Variants in PLCH1 observed in about 807,000 individuals in gnomAD.
PLCH1 encodes the protein 1-phosphatidylinositol 4,5-bisphosphate phosphodiesterase eta-1.
A neutral mutation model predicts 126.7 loss-of-function variants in PLCH1; 60 were observed. The observed-to-expected ratio is 0.47, with a 90% confidence interval of 0.38 to 0.59. The LOEUF is 0.59. Among genes scored for constraint, PLCH1 ranks in the 20% least tolerant of loss-of-function variants. The pLI, the probability that PLCH1 is intolerant of heterozygous loss-of-function variation, is 0.00. For missense variants in PLCH1, 1,723 were observed against 2,040.0 expected (o/e 0.84, Z 2.99); for synonymous variants, 719 against 734.9 (o/e 0.98, Z 0.35).
chr3:155,718,878 A>AT (rs142324714), intron 1 of PLCH1, among the ~76,000 whole-genome samples: 14,598 of 152,248 alleles, frequency 0.096, 892 homozygotes, highest in Middle Eastern at 0.14. Context: ...CTGAGGAAGT[A>AT]TATTAAAATC....
chr3:155,489,282 T>G (rs916911224), intron 19 of PLCH1, among the ~76,000 whole-genome samples: 1 of 152,228 alleles, frequency 6.6e-6, no homozygotes, highest in African/African-American at 2.4e-5. Flanking sequence ...ACATACATCC[T>G]CTTATTTCTT....
At chr3:155,700,822 A>C (rs17414810) in intron 2 of PLCH1, among the ~76,000 whole-genome samples, 7,070 of 152,302 alleles carry the variant, frequency 0.046, 226 homozygotes, top group Middle Eastern at 0.1. Flanking sequence ...CAATTTTCAA[A>C]TCAGGATAAA....
intron 21 of PLCH1, among the ~76,000 whole-genome samples, chr3:155,461,921 C>T (rs1292474644): frequency 1.3e-5 from 2 of 152,188 alleles, no homozygotes; most frequent in African/African-American, 4.8e-5. Flanking sequence ...ATTGGAAAAG[C>T]AAGGGCTCTG....
chr3:155,698,339 C>G (rs1745992196), intron 2 of PLCH1, among the ~76,000 whole-genome samples: 1 of 152,164 alleles, frequency 6.6e-6, no homozygotes, highest in African/African-American at 2.4e-5. Context: ...TCCAAGACAT[C>G]AAAGAAGAGT....
chr3:155,738,934 C>CA (rs57816512), intron 1 of PLCH1, among the ~76,000 whole-genome samples: 45,405 of 151,804 alleles, frequency 0.3, 7,747 homozygotes, highest in African/African-American at 0.45. Flanking sequence ...GACCCTGTCT[C>CA]AAAAAAATAT....
At chr3:155,720,991 T>G (rs1747908136) in intron 1 of PLCH1, among the ~76,000 whole-genome samples, 1 of 151,938 alleles carries the variant, frequency 6.6e-6, no homozygotes, top group South Asian at 2.1e-4. Context: ...CCTTTCCCCA[T>G]GTTTTGTTTG....
chr3:155,520,156 C>T (rs1402127477), intron 11 of PLCH1, among the ~76,000 whole-genome samples: 1 of 152,184 alleles, frequency 6.6e-6, no homozygotes, highest in Admixed American at 6.5e-5. Flanking sequence ...TACTAGCATG[C>T]CCAGCACCTG....
chr3:155,666,890 T>G (rs1742777540), intron 2 of PLCH1, among the ~76,000 whole-genome samples: 1 of 145,032 alleles, frequency 6.9e-6, no homozygotes, highest in African/African-American at 2.6e-5. Flanking sequence ...GAGACACAGA[T>G]GAGGTGTGTG....
intron 1 of PLCH1, among the ~76,000 whole-genome samples, chr3:155,733,151 A>G (rs868835514): frequency 2.0e-5 from 3 of 152,198 alleles, no homozygotes; most frequent in Admixed American, 1.3e-4. Context: ...AGCAATCTAC[A>G]TATTCAATGT....
At chr3:155,505,161 T>G (rs1176635920) in intron 12 of PLCH1, among the ~76,000 whole-genome samples, 5 of 152,202 alleles carry the variant, frequency 3.3e-5, no homozygotes, top group Admixed American at 6.5e-5. Flanking sequence ...GATAATAGAT[T>G]GTTTTTGTTT....
chr3:155,535,457 G>A (rs1213710232), intron 10 of PLCH1, among the ~76,000 whole-genome samples: 1 of 152,194 alleles, frequency 6.6e-6, no homozygotes, highest in Non-Finnish European at 1.5e-5. Flanking sequence ...TGGTGGGAAT[G>A]AGACTGGCCT....
At chr3:155,618,585 T>C (rs1457561390) in intron 2 of PLCH1, among the ~76,000 whole-genome samples, 1 of 152,212 alleles carries the variant, frequency 6.6e-6, no homozygotes, top group Non-Finnish European at 1.5e-5. Context: ...CTGTTTGCCT[T>C]ACATTTCAGA....
chr3:155,612,627 A>G (rs928772382), intron 2 of PLCH1, among the ~76,000 whole-genome samples: 3 of 151,844 alleles, frequency 2.0e-5, no homozygotes, highest in African/African-American at 7.3e-5. Flanking sequence ...AAAAAAAGAG[A>G]GGGCTGGGCT....
At chr3:155,720,295 A>G (rs186688428) in intron 1 of PLCH1, among the ~76,000 whole-genome samples, 1,903 of 152,352 alleles carry the variant, frequency 0.012, 17 homozygotes, top group Non-Finnish European at 0.018. Flanking sequence ...AAATCTCCAC[A>G]CTATTTTCCA....
chr3:155,591,258 C>T (rs1306671072), intron 4 of PLCH1, among the ~76,000 whole-genome samples: 1 of 152,170 alleles, frequency 6.6e-6, no homozygotes, highest in Non-Finnish European at 1.5e-5. Flanking sequence ...TTCTTTGCTA[C>T]ACAACCTTGA....
intron 2 of PLCH1, among the ~76,000 whole-genome samples, chr3:155,635,677 G>A (rs1439802469): frequency 6.6e-6 from 1 of 152,194 alleles, no homozygotes; most frequent in African/African-American, 2.4e-5. Context: ...CTTTTTGCTT[G>A]CAAGTCTAAG....
At chr3:155,631,834 T>C (rs965418551) in intron 2 of PLCH1, among the ~76,000 whole-genome samples, 2 of 151,178 alleles carry the variant, frequency 1.3e-5, no homozygotes, top group South Asian at 2.1e-4. Flanking sequence ...GAAGCACCTG[T>C]GGACATTTAG....
intron 2 of PLCH1, among the ~76,000 whole-genome samples, chr3:155,622,232 G>A (rs925528275): frequency 5.9e-5 from 9 of 152,156 alleles, no homozygotes; most frequent in Admixed American, 5.9e-4. Context: ...GTCACCACCA[G>A]GCCTGTCTTA....
intron 2 of PLCH1, among the ~76,000 whole-genome samples, chr3:155,660,347 A>C (rs918500539): frequency 3.9e-4 from 59 of 152,332 alleles, no homozygotes; most frequent in African/African-American, 1.4e-3. Context: ...AATTCTTAAG[A>C]ATACTGCATA....
Sources: allele counts gnomAD v4.1 joint callset (sites outside exome capture counted in the v4.1 genomes callset), GRCh38; gene constraint gnomAD v4.1.1; transcripts MANE v1.5; gene names NCBI Gene and HGNC (gene_info 2026-07-23, HGNC 2026-07-21).